The following RTEL1 variants were observed in gnomAD, a reference collection of about 807,000 sequenced individuals.
RTEL1 encodes regulator of telomere elongation helicase 1.
RTEL1 carries 86 observed loss-of-function variants against 162.2 expected under a neutral mutation model. The ratio of observed to expected loss-of-function variants is 0.53; its 90% confidence interval spans 0.45 to 0.63. RTEL1 has a LOEUF of 0.63. Ranked by LOEUF, RTEL1 falls within the 30% of genes least tolerant of loss-of-function variation. The pLI, the probability that RTEL1 is intolerant of heterozygous loss-of-function variation, is 0.00. For missense variants in RTEL1, 1,941 were observed against 1,750.2 expected, an observed-to-expected ratio of 1.11 and a Z score of -1.95; for synonymous variants, 958 against 717.9, an observed-to-expected ratio of 1.33 and a Z score of -5.35.
intron 28 of RTEL1, chr20:63,692,048 C>A (rs1038236852): frequency 4.1e-5 from 22 of 535,954 alleles, no homozygotes; most frequent in South Asian, 1.8e-4. Context: ...GAATCAGGCC[C>A]CACCCTTGGG....
chr20:63,686,071 C>G, intron 16 of RTEL1, 199 bp downstream of exon 16: 1 of 617,412 alleles, frequency 1.6e-6, no homozygotes, highest in South Asian at 1.9e-5. Context: ...TAGGAGATGG[C>G]CTGATGGCAC....
chr20:63,665,354 A>C (rs965699339), intron 6 of RTEL1: 3 of 152,416 alleles, frequency 2.0e-5, no homozygotes, highest in Non-Finnish European at 4.4e-5. Context: ...TTGTGGTTCC[A>C]GTTTGGGGGG....
chr20:63,667,054 T>C lies in RTEL1; in HGVS notation c.615-415T>C, dbSNP rs924342289. Among the ~76,000 whole-genome samples, 18 of 149,818 alleles carry C rather than the reference T, an allele frequency of 1.2e-4. No homozygotes were observed. In the South Asian group the frequency reaches 1.5e-3, roughly 12 times the overall value. ...CGGGGTTTCACCGTGTTAGCCAGGA[T>C]GGTCTCGATCTTCTGACCTTGTGAT... On this transcript the variant is annotated intron_variant, in intron 7 of 34. Coordinates refer to ENST00000360203, the MANE Select transcript of RTEL1 (RefSeq NM_001283009.2).
intron 15 of RTEL1, 86 bp from the exon 16 acceptor site, chr20:63,685,705 G>T: frequency 6.3e-7 from 1 of 1,582,928 alleles, no homozygotes; most frequent in Middle Eastern, 1.7e-4. Flanking sequence ...GGCAGGTGGG[G>T]CTGGGGGTCT....
chr20:63,683,637 T>A lies in RTEL1; in HGVS notation c.1192-1886T>A, dbSNP rs114424023. Among the ~76,000 whole-genome samples the A allele has an allele frequency of 2.7e-3, 413 of 152,308 alleles. 4 individuals carry two copies. Among genetic ancestry groups the A allele is most frequent in the African/African-American group, 9.5e-3 (395 of 41,568 alleles). ...CGCATTTCTGTGAATGATTCCGGCT[T>A]CTTGGTGTTCCCAGCAGAACTCCCT... is the stretch of plus-strand genomic sequence containing the variant. On this transcript the variant is annotated intron_variant, in intron 14 of 34. Transcript: ENST00000360203.
chr20:63,658,458 A>C lies in RTEL1; in HGVS notation c.-179A>C, dbSNP rs928566135. The C allele has an allele frequency of 2.0e-5, 3 of 152,396 alleles. No individual in the cohort carries two copies. Among genetic ancestry groups the C allele is most frequent in the African/African-American group, 7.2e-5 (3 of 41,458 alleles). The allele number at this position is 152,396 out of a possible 1,614,324, so 9.4% of individuals were successfully genotyped here. ...GTTCTGGAAGGTTCGCCGCGGAGAC[A>C]AGTGAGCAGTGAGTCGCAGTGACCC... On this transcript the variant is annotated 5_prime_UTR_variant, in exon 1 of 35. Transcript: ENST00000360203.
rs976516892 is a variant in RTEL1 at position 63,677,460 on chromosome 20, C to T, written c.920-685C>T. ...TGAAACCCCATCTCTACTAAAAATG[C>T]GAAAATTAGCCGGGCATGGTGGCGC... On this transcript the variant is annotated intron_variant, in intron 10 of 34. Transcript: ENST00000360203. Among the ~76,000 whole-genome samples the T allele has an allele frequency of 7.9e-5, 12 of 152,074 alleles. 1 individual carries two copies. The highest frequency in any genetic ancestry group is 3.9e-4 in the East Asian group (2 of 5,190).
At chr20:63,681,642 C>G in intron 14 of RTEL1, 2 of 985,386 alleles carry the variant, frequency 2.0e-6, no homozygotes, top group Non-Finnish European at 2.4e-6. Context: ...CCGGAACAAG[C>G]AGGCACTGCC....
At chr20:63,659,159 G>C (rs2089968722) in intron 1 of RTEL1, 74 bp from the exon 2 acceptor site, 2 of 530,866 alleles carry the variant, frequency 3.8e-6, no homozygotes, top group Non-Finnish European at 6.9e-6. Context: ...AGGAGGGACT[G>C]ATGGAAACGC....
At chr20:63,693,097 C>T in intron 29 of RTEL1, 46 bp from the exon 30 acceptor site, 4 of 1,611,882 alleles carry the variant, frequency 2.5e-6, no homozygotes, top group African/African-American at 2.7e-5. Flanking sequence ...TCTCTGTTCT[C>T]TAGAGAAAAA....
intron 16 of RTEL1, 118 bp from the exon 17 acceptor site, chr20:63,687,520 C>A: frequency 8.4e-7 from 1 of 1,190,886 alleles, no homozygotes; most frequent in Non-Finnish European, 1.2e-6. Context: ...TGGGTGGCTG[C>A]CCGCGGCTCG....
In RTEL1 at chr20:63,661,150, C is replaced by T. The variant is rs917851250; in HGVS notation, c.103-148C>T. 1.2e-5 allele frequency: 8 copies of T among 680,942 alleles called. No homozygotes were observed. Among genetic ancestry groups the T allele is most frequent in the South Asian group, 5.7e-5 (3 of 52,994 alleles). The allele number at this position is 680,942 out of a possible 1,614,324, so 42.2% of individuals were successfully genotyped here. A position where few individuals can be genotyped will look rare whatever the true frequency, so the allele number is the denominator to read the frequency against. On this transcript the variant is annotated intron_variant, in intron 2 of 34. Transcript: ENST00000360203. The surrounding 1 kb of genome is among the most constrained non-coding windows in gnomAD (Gnocchi z 5.1). ...AGTGGGACTTGCCTGTGGACTTCTC[C>T]GCGGTCCCACAGGGCTCTCGCCACC...
chr20:63,691,394 G>A (rs749827731), intron 27 of RTEL1, among the ~76,000 whole-genome samples: 4 of 152,120 alleles, frequency 2.6e-5, no homozygotes, highest in Admixed American at 1.3e-4. Flanking sequence ...CCTGCTGGGA[G>A]CCATTCCCCT....
chr20:63,693,594 ACCTCCACCACCACCACCT>A (rs2090866386), intron 30 of RTEL1, among the ~76,000 whole-genome samples: 6 of 79,170 alleles, frequency 7.6e-5, no homozygotes, highest in East Asian at 2.9e-4. Context: ...CACCACCTCC[ACCTCCACCACCACCACCT>A]CCACCTCCAC....
At chr20:63,671,439 A>G (rs1346298499) in intron 8 of RTEL1, among the ~76,000 whole-genome samples, 13 of 152,112 alleles carry the variant, frequency 8.5e-5, no homozygotes, top group Admixed American at 8.5e-4. Flanking sequence ...TATGGTGCAC[A>G]TAACTGCCAG....
chr20:63,675,819 C>T (rs563167733), intron 10 of RTEL1, among the ~76,000 whole-genome samples: 158 of 152,346 alleles, frequency 1.0e-3, no homozygotes, highest in African/African-American at 3.2e-3. Flanking sequence ...CTTCGCTTGG[C>T]GCAGGGTGGG....
rs769533935 is a variant in RTEL1 at position 63,661,942 on chromosome 20, C to T, written c.394C>T (p.Arg132Trp). 3.1e-6 allele frequency: 5 copies of T among 1,613,352 alleles called. No homozygotes were observed. Among genetic ancestry groups the T allele is most frequent in the South Asian group, 1.1e-5 (1 of 91,064 alleles). ...CAACGAGCTTCGGAACACCTCCTAC[C>T]GGTGGGTCAGACGAGTTTACACCTG... Reference protein sequence around the residue: ...VINELRNTSYRPKVCVLGSRE... With the variant: ...VINELRNTSYWPKVCVLGSRE... Residue 132 changes from arginine to tryptophan, a missense_variant and splice_region_variant, in exon 4 of 35, where the codon CGG becomes TGG. Coordinates refer to ENST00000360203, the MANE Select transcript of RTEL1 (RefSeq NM_001283009.2). The surrounding 1 kb of genome is among the most constrained non-coding windows in gnomAD (Gnocchi z 5.1).
Position 63,694,988 on chromosome 20 carries a change from G to A in RTEL1, c.3343+14G>A, listed in dbSNP as rs769816215. 6 of 1,611,490 alleles carry A rather than the reference G, an allele frequency of 3.7e-6. No individual in the cohort carries two copies. The highest frequency in any genetic ancestry group is 5.1e-6 in the Non-Finnish European group (6 of 1,179,196). On this transcript the variant is annotated intron_variant, in intron 32 of 34. Transcript: ENST00000360203. ...CCCTGCTGCACAGCAAGTGGCCCTG[G>A]CGTGGGGAACAGCCGGTGGGGTGGG...
In RTEL1 at chr20:63,685,868, G is replaced by C. The variant is rs755129499; in HGVS notation, c.1344G>C (p.Lys448Asn). 2.4e-5 allele frequency: 39 copies of C among 1,612,330 alleles called. No homozygotes were observed. In the East Asian group the frequency reaches 7.8e-4, roughly 32 times the overall value. The change falls in exon 16 of 35, where the codon AAG becomes AAC. Residue 448 changes from lysine (K) to asparagine (N), a missense_variant. Transcript: ENST00000360203. ...CCTGGAGCACCACTGCAGCCAGAAA[G>C]CGAGGTACAGACCTGGGCCCACACG... ...SDAWSTTAAR[K>N]RGKVLSYWCF...
Sources: gnomAD v4.1 joint callset for allele counts (sites outside exome capture counted in the v4.1 genomes callset) on GRCh38, gnomAD v4.1.1 for gene constraint, Gnocchi (gnomAD v3.1) non-coding constraint, MANE v1.5 for transcripts, NCBI Gene and HGNC (gene_info 2026-07-23, HGNC 2026-07-21) for gene names.